The following CATSPERB variants were observed in gnomAD, a reference collection of about 807,000 sequenced individuals.
CATSPERB encodes the protein cation channel sperm-associated auxiliary subunit beta.
A neutral mutation model predicts 128.3 loss-of-function variants in CATSPERB; 93 were observed. The observed-to-expected ratio is 0.72, with a 90% CI of 0.61 to 0.86. CATSPERB has a LOEUF of 0.86. Ranked by LOEUF, CATSPERB falls within the 40% of genes least tolerant of loss-of-function variation. The probability of loss-of-function intolerance (pLI) is 0.00; values close to 1 mark genes in which losing one functional copy is unlikely to be tolerated. For synonymous variants in CATSPERB, 381 were observed against 448.8 expected (o/e 0.85, Z 1.91); for missense variants, 1,153 against 1,329.5 (o/e 0.87, Z 2.06).
intron 7 of CATSPERB, among the ~76,000 whole-genome samples, chr14:91,701,265 C>A (rs1895643096): frequency 6.6e-6 from 1 of 152,118 alleles, no homozygotes. Context: ...ATGTTTCAAA[C>A]AAGAGGACAG....
chr14:91,669,879 A>G lies in CATSPERB; in HGVS notation c.1222T>C (p.Phe408Leu), dbSNP rs778892387. 15 of 1,613,898 alleles carry G rather than the reference A, an allele frequency of 9.3e-6. No individual in the cohort carries two copies. Among genetic ancestry groups the G allele is most frequent in the Middle Eastern group, 1.6e-4 (1 of 6,084 alleles). ...AATACCATTCCAACGGGAGAAGAGA[A>G]TGATGAAGGAAACCGAAAAATTGGA... ...KFPIFRFPSS[F>L]SSPVGMVFHP... Residue 408 changes from phenylalanine (F) to leucine (L), a missense_variant, in exon 14 of 27, where the codon TTC (phenylalanine) becomes CTC (leucine). By Grantham distance (22) the Phe-to-Leu change is conservative. Coordinates refer to ENST00000256343, the MANE Select transcript of CATSPERB (RefSeq NM_024764.4).
intron 25 of CATSPERB, among the ~76,000 whole-genome samples, chr14:91,587,765 G>A (rs1893329644): frequency 6.6e-6 from 1 of 151,936 alleles, no homozygotes; most frequent in South Asian, 2.1e-4. Context: ...AGATAATATG[G>A]CTTGCCTATC....
intron 22 of CATSPERB, among the ~76,000 whole-genome samples, chr14:91,595,984 A>G (rs1893499287): frequency 2.6e-5 from 4 of 152,202 alleles, no homozygotes; most frequent in Admixed American, 6.5e-5. Flanking sequence ...AAAACAAAAC[A>G]AAGTATCAGC....
At chr14:91,665,980 T>C (rs1464141866) in intron 14 of CATSPERB, among the ~76,000 whole-genome samples, 1 of 152,144 alleles carries the variant, frequency 6.6e-6, no homozygotes, top group East Asian at 1.9e-4. Context: ...GTGGAAGTGA[T>C]TGGATCATGG....
intron 20 of CATSPERB, among the ~76,000 whole-genome samples, chr14:91,616,733 C>CTTTTTT (rs1555360386): frequency 1.4e-4 from 12 of 84,482 alleles, no homozygotes; most frequent in Non-Finnish European, 1.8e-4. Context: ...AAGTATTCCC[C>CTTTTTT]TTTTTTTTTT....
intron 11 of CATSPERB, among the ~76,000 whole-genome samples, chr14:91,674,979 G>C (rs1335804618): frequency 6.6e-6 from 1 of 152,188 alleles, no homozygotes. Context: ...GCGTGAGCCT[G>C]GCCACTCTCC....
intron 26 of CATSPERB, among the ~76,000 whole-genome samples, chr14:91,581,914 A>C (rs1370160484): frequency 1.3e-5 from 2 of 152,216 alleles, no homozygotes; most frequent in Non-Finnish European, 1.5e-5. Context: ...GGGAAAGTGC[A>C]AAGGACAAGA....
intron 20 of CATSPERB, among the ~76,000 whole-genome samples, chr14:91,612,012 T>TTTTCTTTTTC (rs1893837508): frequency 7.5e-6 from 1 of 132,924 alleles, no homozygotes. Flanking sequence ...TTGTTTACTG[T>TTTTCTTTTTC]TTTCTTTCTT....
Position 91,693,409 on chromosome 14 carries a change from C to G in CATSPERB, c.687G>C (p.Gln229His), listed in dbSNP as rs774929725. The G allele has an allele frequency of 6.2e-7, 1 of 1,613,952 alleles. No individual in the cohort carries two copies. Among genetic ancestry groups the G allele is most frequent in the African/African-American group, 1.3e-5 (1 of 75,042 alleles). The change falls in exon 8 of 27, where the codon CAG (glutamine) becomes CAC (histidine). Residue 229 changes from glutamine to histidine, a missense_variant. Coordinates refer to ENST00000256343, the MANE Select transcript of CATSPERB (RefSeq NM_024764.4). ...CTTCTTGAAGTTGGGAATAGATAGT[C>G]TGTGTCATGTTAAACCATGTGGTAT... Reference protein sequence around the residue: ...DYDTTWFNMTQTIYSQLQEEY... With the variant: ...DYDTTWFNMTHTIYSQLQEEY...
intron 2 of CATSPERB, among the ~76,000 whole-genome samples, chr14:91,726,336 C>T (rs893785189): frequency 1.3e-5 from 2 of 152,182 alleles, no homozygotes; most frequent in Admixed American, 6.5e-5. Flanking sequence ...CAGGCGTGCT[C>T]GTCCGGCTCC....
chr14:91,715,848 G>A (rs1194226923), intron 5 of CATSPERB, among the ~76,000 whole-genome samples: 1 of 152,088 alleles, frequency 6.6e-6, no homozygotes, highest in Non-Finnish European at 1.5e-5. Flanking sequence ...GAGATAAAAA[G>A]TTTTCACAAT....
intron 13 of CATSPERB, 33 bp downstream of exon 13, chr14:91,672,834 C>A: frequency 6.8e-7 from 1 of 1,476,690 alleles, no homozygotes; most frequent in South Asian, 1.4e-5. Context: ...GTTGTCATGT[C>A]AAGATAAATT....
In CATSPERB at chr14:91,590,087, A is replaced by T. The variant is rs1467611901; in HGVS notation, c.2821-418T>A. On this transcript the variant is annotated intron_variant, in intron 23 of 26. Transcript: ENST00000256343. ...AGCCCCAATGCATGTTAATAATGCG[A>T]TCTTTGACAAATTGCCTGACTTCTC... 3.3e-5 allele frequency among the ~76,000 whole-genome samples: 5 copies of T among 152,190 alleles called. No individual in the cohort carries two copies. In the South Asian group the frequency reaches 6.2e-4, roughly 19 times the overall value.
At chr14:91,666,374 G>A (rs533069712) in intron 14 of CATSPERB, among the ~76,000 whole-genome samples, 9 of 152,274 alleles carry the variant, frequency 5.9e-5, no homozygotes, top group South Asian at 2.1e-4. Flanking sequence ...AAGGAGACCC[G>A]GAGGGCAAAT....
At chr14:91,656,757 T>G (rs1352171065) in intron 15 of CATSPERB, among the ~76,000 whole-genome samples, 1 of 151,974 alleles carries the variant, frequency 6.6e-6, no homozygotes, top group African/African-American at 2.4e-5. Flanking sequence ...ATCTGTTGCC[T>G]GCAAGAAACA....
intron 14 of CATSPERB, among the ~76,000 whole-genome samples, chr14:91,664,343 G>A (rs1894943301): frequency 7.5e-6 from 1 of 133,206 alleles, no homozygotes; most frequent in South Asian, 2.5e-4. Context: ...TCGGCTCACT[G>A]CAACCTCTGC....
At chr14:91,595,895 A>C (rs1566697121) in intron 22 of CATSPERB, among the ~76,000 whole-genome samples, 1 of 152,230 alleles carries the variant, frequency 6.6e-6, no homozygotes, top group Non-Finnish European at 1.5e-5. Flanking sequence ...ATAGGTTCCA[A>C]ATTTTGTTCA....
At chr14:91,691,777 T>G (rs1291437121) in intron 9 of CATSPERB, among the ~76,000 whole-genome samples, 1 of 152,220 alleles carries the variant, frequency 6.6e-6, no homozygotes, top group Non-Finnish European at 1.5e-5. Flanking sequence ...CCCATCAGTC[T>G]TTGCCTCATT....
intron 20 of CATSPERB, among the ~76,000 whole-genome samples, chr14:91,616,804 C>T (rs935062825): frequency 2.2e-5 from 3 of 137,414 alleles, no homozygotes; most frequent in South Asian, 2.4e-4. Context: ...TGCAATGGCA[C>T]GATCTCGGTT....
Sources: allele counts gnomAD v4.1 joint callset (sites outside exome capture counted in the v4.1 genomes callset), GRCh38; gene constraint gnomAD v4.1.1; transcripts MANE v1.5; gene names NCBI Gene and HGNC (gene_info 2026-07-23, HGNC 2026-07-21).